Variants in SGCD observed in about 807,000 individuals in gnomAD.
SGCD encodes delta-sarcoglycan.
A neutral mutation model predicts 36.6 loss-of-function variants in SGCD; 18 were observed. That is an observed-to-expected ratio of 0.49 (90% confidence interval 0.34 to 0.73). The LOEUF (loss-of-function observed/expected upper bound fraction) is 0.73, where lower values mean the gene tolerates loss of function less well. Among genes scored for constraint, SGCD ranks in the 30% least tolerant of loss-of-function variants. The pLI, the probability that SGCD is intolerant of heterozygous loss-of-function variation, is 0.01. For missense variants in SGCD, 387 were observed against 346.7 expected, an observed-to-expected ratio of 1.12 and a Z score of -0.92; for synonymous variants, 133 against 130.6, an observed-to-expected ratio of 1.02 and a Z score of -0.12.
intron 7 of SGCD, among the ~76,000 whole-genome samples, chr5:156,681,086 G>A (rs1003245179): frequency 2.0e-5 from 3 of 152,186 alleles, no homozygotes; most frequent in African/African-American, 7.2e-5. Context: ...TGCCATCTGC[G>A]GAGGGCCAAG....
chr5:155,784,289 TG>T, the SGCD span, among the ~76,000 whole-genome samples: 1 of 152,142 alleles, frequency 6.6e-6, no homozygotes, highest in Non-Finnish European at 1.5e-5. Flanking sequence ...AGACAGGGCA[TG>T]TCTGAAGACC....
At chr5:156,735,283 G>A (rs969426379) in intron 7 of SGCD, among the ~76,000 whole-genome samples, 7 of 152,124 alleles carry the variant, frequency 4.6e-5, no homozygotes, top group African/African-American at 1.7e-4. Flanking sequence ...TCTGTGCTGG[G>A]GTACTACTTT....
At chr5:155,907,132 C>A (rs903370319) in intron 1 of SGCD, among the ~76,000 whole-genome samples, 1 of 150,020 alleles carries the variant, frequency 6.7e-6, no homozygotes, top group South Asian at 2.1e-4. Flanking sequence ...AGAAATGGAA[C>A]AGCAAAGCCT....
intron 3 of SGCD, among the ~76,000 whole-genome samples, chr5:156,350,247 T>TTATATATATATATATATATA (rs59107352): frequency 0.012 from 1,132 of 95,626 alleles, 117 homozygotes; most frequent in Non-Finnish European, 0.016. Context: ...GGAAAAAAAA[T>TTATATATATATATATATATA]TATATATATA....
intron 3 of SGCD, among the ~76,000 whole-genome samples, chr5:156,158,448 T>C (rs546128802): frequency 4.0e-5 from 6 of 151,756 alleles, no homozygotes; most frequent in Admixed American, 6.5e-5. Context: ...TGGAGAGTGC[T>C]GTGCTCTGGG....
intron 6 of SGCD, among the ~76,000 whole-genome samples, chr5:156,630,378 C>G (rs1228972135): frequency 6.6e-6 from 1 of 152,140 alleles, no homozygotes; most frequent in Non-Finnish European, 1.5e-5. Context: ...GATGGACAAG[C>G]AGGCAAACTG....
chr5:156,268,902 A>C (rs1265871574), intron 3 of SGCD, among the ~76,000 whole-genome samples: 1 of 151,634 alleles, frequency 6.6e-6, no homozygotes, highest in African/African-American at 2.4e-5. Flanking sequence ...TCAGATTTGC[A>C]TTTTTCTAAT....
At chr5:155,947,962 A>G (rs966112618) in intron 1 of SGCD, among the ~76,000 whole-genome samples, 5 of 152,116 alleles carry the variant, frequency 3.3e-5, no homozygotes, top group Non-Finnish European at 5.9e-5. Flanking sequence ...TCATAGGGTG[A>G]TTATAAAGAT....
intron 1 of SGCD, among the ~76,000 whole-genome samples, chr5:156,082,750 G>A (rs1289539948): frequency 6.6e-6 from 1 of 152,156 alleles, no homozygotes; most frequent in African/African-American, 2.4e-5. Context: ...AATACATCAG[G>A]ATCGCATAAA....
rs897993577 is a variant in SGCD at position 156,616,190 on chromosome 5, G to T, written c.502+21139G>T. Among the ~76,000 whole-genome samples the T allele has an allele frequency of 4.6e-5, 7 of 152,120 alleles. No homozygotes were observed. In the South Asian group the frequency reaches 1.2e-3, roughly 27 times the overall value. Reference sequence around the variant, plus strand: ...AGCTCTGCTGGTGAGCAGAAAAAGTGGTTATCATCCTAATATAAATACAAC... The same window carrying T: ...AGCTCTGCTGGTGAGCAGAAAAAGTTGTTATCATCCTAATATAAATACAAC... On this transcript the variant is annotated intron_variant, in intron 6 of 8. Coordinates refer to ENST00000337851, the MANE Select transcript of SGCD (RefSeq NM_000337.6).
At chr5:156,340,007 C>T (rs1768563086) in intron 2 of SGCD, among the ~76,000 whole-genome samples, 1 of 152,112 alleles carries the variant, frequency 6.6e-6, no homozygotes, top group South Asian at 2.1e-4. Context: ...GCAATTTTGA[C>T]AAAACTTTTT....
intron 3 of SGCD, among the ~76,000 whole-genome samples, chr5:156,173,824 A>T (rs200190683): frequency 6.1e-4 from 40 of 66,050 alleles, no homozygotes; most frequent in South Asian, 1.1e-3. Context: ...ATAGTAAATT[A>T]AAAAAAAAAC....
intron 4 of SGCD, among the ~76,000 whole-genome samples, chr5:156,526,160 T>C (rs1757631237): frequency 6.6e-6 from 1 of 152,096 alleles, no homozygotes; most frequent in South Asian, 2.1e-4. Context: ...AAAATGTGCT[T>C]CCTTTTTGTT....
intron 1 of SGCD, among the ~76,000 whole-genome samples, chr5:156,076,270 TA>T (rs1178791436): frequency 2.6e-5 from 4 of 152,140 alleles, no homozygotes; most frequent in East Asian, 1.9e-4. Flanking sequence ...GCAGGTGGTT[TA>T]TTTTTTTTCC....
intron 1 of SGCD, among the ~76,000 whole-genome samples, chr5:156,106,109 C>CAAAAAAAAAAAAAAAAA: frequency 2.9e-5 from 1 of 34,914 alleles, no homozygotes; most frequent in Non-Finnish European, 5.0e-5. Context: ...GACTCTGCCT[C>CAAAAAAAAAAAAAAAAA]AAAAAAAAAA....
chr5:156,085,411 T>A (rs1265808322), intron 1 of SGCD, among the ~76,000 whole-genome samples: 2 of 152,058 alleles, frequency 1.3e-5, no homozygotes, highest in South Asian at 2.1e-4. Flanking sequence ...CTCTCCCCAC[T>A]CCCCTCTCCC....
At chr5:156,184,801 G>A (rs892895511) in intron 3 of SGCD, among the ~76,000 whole-genome samples, 4 of 152,154 alleles carry the variant, frequency 2.6e-5, no homozygotes, top group Non-Finnish European at 5.9e-5. Context: ...GTGAAATAGT[G>A]AGGACCACCA....
At chr5:156,187,284 C>T (rs1763784783) in intron 3 of SGCD, among the ~76,000 whole-genome samples, 5 of 151,734 alleles carry the variant, frequency 3.3e-5, no homozygotes, top group Admixed American at 2.0e-4. Flanking sequence ...AATATGATTT[C>T]AATAGGATAA....
intron 3 of SGCD, among the ~76,000 whole-genome samples, chr5:156,445,189 G>T (rs952509217): frequency 6.6e-6 from 1 of 152,064 alleles, no homozygotes; most frequent in African/African-American, 2.4e-5. Flanking sequence ...TGACCTAAAA[G>T]TGGTACATAT....
Sources: allele counts gnomAD v4.1 joint callset (sites outside exome capture counted in the v4.1 genomes callset), GRCh38; gene constraint gnomAD v4.1.1; transcripts MANE v1.5; gene names NCBI Gene and HGNC (gene_info 2026-07-23, HGNC 2026-07-21).